The following GALNT13 variants were observed in gnomAD, a reference collection of about 807,000 sequenced individuals.
GALNT13 encodes the protein UDP-GalNAc:polypeptide N-acetylgalactosaminyltransferase 13.
A neutral mutation model predicts 64.2 loss-of-function variants in GALNT13; 28 were observed. That is an observed-to-expected ratio of 0.44 (90% CI 0.32 to 0.60). The LOEUF (loss-of-function observed/expected upper bound fraction) is 0.60, where lower values mean the gene tolerates loss of function less well. Ranked by LOEUF, GALNT13 falls within the 20% of genes least tolerant of loss-of-function variation. The pLI is 0.05. For missense variants in GALNT13, 577 were observed against 669.8 expected (o/e 0.86, Z 1.53); for synonymous variants, 214 against 224.6 (o/e 0.95, Z 0.42).
the GALNT13 span, among the ~76,000 whole-genome samples, chr2:153,127,123 G>T: frequency 6.6e-6 from 1 of 151,962 alleles, no homozygotes; most frequent in Non-Finnish European, 1.5e-5. Flanking sequence ...GTTTGATTGC[G>T]TTGGCATGGA....
intron 9 of GALNT13, among the ~76,000 whole-genome samples, chr2:154,372,855 T>C (rs1697776558): frequency 6.6e-6 from 1 of 152,062 alleles, no homozygotes; most frequent in Non-Finnish European, 1.5e-5. Flanking sequence ...CACATAAACC[T>C]AAATCATGAA....
chr2:154,434,138 C>T (rs965367749), intron 11 of GALNT13, among the ~76,000 whole-genome samples: 1 of 152,220 alleles, frequency 6.6e-6, no homozygotes, highest in African/African-American at 2.4e-5. Context: ...AGCCTCCAAA[C>T]CTGTCAGGAA....
the GALNT13 span, among the ~76,000 whole-genome samples, chr2:153,515,121 T>C: frequency 6.6e-6 from 1 of 152,194 alleles, no homozygotes; most frequent in Non-Finnish European, 1.5e-5. Context: ...AGGGATATTG[T>C]AGCCCAAATT....
chr2:153,740,415 T>C, the GALNT13 span, among the ~76,000 whole-genome samples: 1 of 152,230 alleles, frequency 6.6e-6, no homozygotes, highest in East Asian at 1.9e-4. Flanking sequence ...GCTGTAGAAT[T>C]TTTATTACAT....
chr2:154,409,574 A>G (rs552076670), intron 11 of GALNT13, among the ~76,000 whole-genome samples: 1 of 152,122 alleles, frequency 6.6e-6, no homozygotes, highest in Admixed American at 6.6e-5. Flanking sequence ...GTGTGTGACA[A>G]GAGTTCTTGT....
chr2:154,352,061 A>T (rs1696440882), intron 9 of GALNT13, among the ~76,000 whole-genome samples: 1 of 152,204 alleles, frequency 6.6e-6, no homozygotes, highest in Non-Finnish European at 1.5e-5. Context: ...AATACAAACT[A>T]GTTCATATAT....
At chr2:153,487,628 C>T in the GALNT13 span, among the ~76,000 whole-genome samples, 1 of 152,102 alleles carries the variant, frequency 6.6e-6, no homozygotes, top group African/African-American at 2.4e-5. Context: ...GCATGTAATC[C>T]AGACTGGGGC....
At chr2:154,238,219 A>G (rs189217780) in intron 4 of GALNT13, among the ~76,000 whole-genome samples, 1 of 152,064 alleles carries the variant, frequency 6.6e-6, no homozygotes, top group Non-Finnish European at 1.5e-5. Flanking sequence ...TTCTTGAGTT[A>G]TATGCTAAAT....
the GALNT13 span, among the ~76,000 whole-genome samples, chr2:153,088,936 T>A: frequency 1.3e-5 from 2 of 152,166 alleles, no homozygotes; most frequent in Non-Finnish European, 2.9e-5. Context: ...CCGGTGTGTA[T>A]CTTTAAAGTG....
At chr2:153,301,323 A>AAAAAAAAAAAAGAAG in the GALNT13 span, among the ~76,000 whole-genome samples, 5 of 149,952 alleles carry the variant, frequency 3.3e-5, no homozygotes, top group African/African-American at 1.2e-4. Context: ...AAAAAAGAAA[A>AAAAAAAAAAAAGAAG]AAAAAAAGAG....
the GALNT13 span, among the ~76,000 whole-genome samples, chr2:153,535,430 G>T: frequency 6.6e-6 from 1 of 152,154 alleles, no homozygotes; most frequent in Non-Finnish European, 1.5e-5. Flanking sequence ...GAAAAACAGT[G>T]TAAACCGGCA....
the GALNT13 span, among the ~76,000 whole-genome samples, chr2:153,696,047 T>C: frequency 6.6e-6 from 1 of 152,174 alleles, no homozygotes. Context: ...GGAGTATTGA[T>C]ACACACAATC....
At chr2:154,307,388 C>G (rs960453352) in intron 9 of GALNT13, among the ~76,000 whole-genome samples, 4 of 152,098 alleles carry the variant, frequency 2.6e-5, no homozygotes, top group Non-Finnish European at 5.9e-5. Context: ...TCTTAAGACT[C>G]CCAATTAATT....
intron 6 of GALNT13, among the ~76,000 whole-genome samples, chr2:154,245,091 G>A (rs1264940920): frequency 3.6e-5 from 5 of 139,666 alleles, no homozygotes; most frequent in Non-Finnish European, 6.2e-5. Context: ...GGGTGACAGG[G>A]CAAGGCTCTG....
At chr2:154,135,355 A>G (rs562664453) in intron 3 of GALNT13, among the ~76,000 whole-genome samples, 26 of 152,332 alleles carry the variant, frequency 1.7e-4, no homozygotes, top group Non-Finnish European at 3.4e-4. Flanking sequence ...TTGATTATCT[A>G]ATAGATGACA....
chr2:153,403,915 G>T, the GALNT13 span, among the ~76,000 whole-genome samples: 1 of 152,230 alleles, frequency 6.6e-6, no homozygotes, highest in South Asian at 2.1e-4. Context: ...GGTAGCTGTA[G>T]ACCGGAGCTG....
At chr2:154,254,738 C>T (rs904987890) in intron 7 of GALNT13, among the ~76,000 whole-genome samples, 1 of 151,942 alleles carries the variant, frequency 6.6e-6, no homozygotes, top group African/African-American at 2.4e-5. Flanking sequence ...TGAACAGAGT[C>T]AAAGGAGTTT....
At chr2:153,602,386 G>A in the GALNT13 span, among the ~76,000 whole-genome samples, 90 of 151,784 alleles carry the variant, frequency 5.9e-4, no homozygotes, top group Middle Eastern at 3.4e-3. Flanking sequence ...GGGCTCTAGA[G>A]AAAAATAAAG....
At chr2:153,142,278 T>C in the GALNT13 span, among the ~76,000 whole-genome samples, 4 of 152,068 alleles carry the variant, frequency 2.6e-5, no homozygotes, top group Non-Finnish European at 5.9e-5. Context: ...TTCTGGCACC[T>C]TGGGGCATGT....
Sources: gnomAD v4.1 joint callset for allele counts (sites outside exome capture counted in the v4.1 genomes callset) on GRCh38, gnomAD v4.1.1 for gene constraint, MANE v1.5 for transcripts, NCBI Gene and HGNC (gene_info 2026-07-23, HGNC 2026-07-21) for gene names.